ACTL8: variants seen among roughly 807,000 people sequenced by gnomAD.
ACTL8 encodes the protein actin like 8, also known as actin-like protein 8.
Under a neutral mutation model 9.3 loss-of-function variants are expected in ACTL8, and 3 were observed. The ratio of observed to expected loss-of-function variants is 0.32; its 90% CI spans 0.15 to 0.83. The LOEUF (loss-of-function observed/expected upper bound fraction) is 0.83, where lower values mean the gene tolerates loss of function less well. Ranked by LOEUF, ACTL8 falls within the 40% of genes least tolerant of loss-of-function variation. ACTL8 has a pLI of 0.57. For missense variants in ACTL8, 381 were observed against 492.2 expected (o/e 0.77, Z 2.14); for synonymous variants, 224 against 205.9 (o/e 1.09, Z -0.75).
intron 1 of ACTL8, among the ~76,000 whole-genome samples, chr1:17,798,267 C>T (rs1017861374): frequency 2.7e-5 from 4 of 148,550 alleles, no homozygotes; most frequent in African/African-American, 7.5e-5. Context: ...ATATCTACCC[C>T]AAGATATTCG....
intron 1 of ACTL8, among the ~76,000 whole-genome samples, chr1:17,757,228 G>A (rs1479914221): frequency 2.7e-5 from 4 of 150,084 alleles, no homozygotes; most frequent in African/African-American, 9.7e-5. Context: ...GCCACAGTCT[G>A]AGAATCAGAC....
intron 1 of ACTL8, among the ~76,000 whole-genome samples, chr1:17,763,632 C>T (rs772351596): frequency 1.3e-5 from 2 of 152,192 alleles, no homozygotes; most frequent in Non-Finnish European, 2.9e-5. Context: ...TACGTCTTCC[C>T]CATCCTATTC....
chr1:17,784,198 T>A (rs1456530925), intron 1 of ACTL8, among the ~76,000 whole-genome samples: 1 of 152,158 alleles, frequency 6.6e-6, no homozygotes, highest in Non-Finnish European at 1.5e-5. Flanking sequence ...AGCAAGCATC[T>A]TCTTAACATG....
At chr1:17,788,406 G>A (rs1224178199) in intron 1 of ACTL8, among the ~76,000 whole-genome samples, 1 of 152,244 alleles carries the variant, frequency 6.6e-6, no homozygotes, top group Non-Finnish European at 1.5e-5. Flanking sequence ...TCAGCTCAGA[G>A]CTTCCCAGCC....
At chr1:17,789,136 G>A (rs1333987068) in intron 1 of ACTL8, among the ~76,000 whole-genome samples, 1 of 152,182 alleles carries the variant, frequency 6.6e-6, no homozygotes, top group Non-Finnish European at 1.5e-5. Flanking sequence ...AAACAAATAT[G>A]TATCAGGACA....
intron 1 of ACTL8, among the ~76,000 whole-genome samples, chr1:17,800,753 C>G (rs1459816098): frequency 6.6e-6 from 1 of 151,792 alleles, no homozygotes; most frequent in Non-Finnish European, 1.5e-5. Flanking sequence ...TACCACCATG[C>G]CTGGCTAATT....
chr1:17,770,832 G>A (rs1364105896), intron 1 of ACTL8, among the ~76,000 whole-genome samples: 1 of 152,186 alleles, frequency 6.6e-6, no homozygotes, highest in African/African-American at 2.4e-5. Flanking sequence ...GGTGCTGATA[G>A]CAGTTGTCAG....
rs16830789 is a variant in ACTL8, at chr1:17,826,444, C to G, written c.1026C>G (p.Ser342=). The change falls in exon 3 of 3, where the codon TCC becomes TCG. Residue 342 remains serine, a synonymous_variant. Coordinates refer to ENST00000375406, the MANE Select transcript of ACTL8 (RefSeq NM_030812.3). This position sits in a 1 kb window ranked among gnomAD's most constrained non-coding sequence, Gnocchi z 4.5. ...ACTTTAGTGTCTGGCTAGGAGCGTCCGTGGTGGCTCACCTTTCTACCTACC... is the reference window on the plus strand; with the variant it reads ...ACTTTAGTGTCTGGCTAGGAGCGTCGGTGGTGGCTCACCTTTCTACCTACC... ...NRNFSVWLGA[S]VVAHLSTYQS... The G allele has an allele frequency of 6.2e-7, 1 of 1,613,148 alleles. No homozygotes were observed. The highest frequency in any genetic ancestry group is 8.5e-7 in the Non-Finnish European group (1 of 1,179,534).
chr1:17,813,562 A>C (rs2066407000), intron 1 of ACTL8, among the ~76,000 whole-genome samples: 1 of 152,190 alleles, frequency 6.6e-6, no homozygotes, highest in Admixed American at 6.5e-5. Context: ...TCTTCATGAA[A>C]GATTTTTGGT....
intron 1 of ACTL8, among the ~76,000 whole-genome samples, chr1:17,757,476 A>AC (rs1248121741): frequency 0.01 from 466 of 45,028 alleles, 3 homozygotes; most frequent in Middle Eastern, 0.024. Context: ...CTCTGAGCCC[A>AC]CCCCCCCCAC....
At chr1:17,816,050 C>G (rs971387847) in intron 1 of ACTL8, among the ~76,000 whole-genome samples, 1 of 152,134 alleles carries the variant, frequency 6.6e-6, no homozygotes, top group Non-Finnish European at 1.5e-5. Flanking sequence ...ATAAGTAAAT[C>G]AAGCTGGTTA....
At chr1:17,791,659 C>T (rs1377678663) in intron 1 of ACTL8, among the ~76,000 whole-genome samples, 6 of 152,196 alleles carry the variant, frequency 3.9e-5, no homozygotes, top group East Asian at 3.9e-4. Flanking sequence ...TAGATCAAGC[C>T]GCCCTGCGAG....
chr1:17,763,311 G>A (rs900989186), intron 1 of ACTL8, among the ~76,000 whole-genome samples: 9 of 152,112 alleles, frequency 5.9e-5, no homozygotes, highest in African/African-American at 1.9e-4. Flanking sequence ...CTGGCCCAAC[G>A]CTCCTCTGAC....
chr1:17,823,385 C>A lies in ACTL8; in HGVS notation c.348+29C>A. 6.3e-7 allele frequency: 1 copy of A among 1,575,262 alleles called. No individual in the cohort carries two copies. Among genetic ancestry groups the A allele is most frequent in the Non-Finnish European group, 8.6e-7 (1 of 1,156,326 alleles). On this transcript the variant is annotated intron_variant, in intron 2 of 2. Coordinates refer to ENST00000375406, the MANE Select transcript of ACTL8 (RefSeq NM_030812.3). This position sits in a 1 kb window ranked among gnomAD's most constrained non-coding sequence, Gnocchi z 5.3. ...AGGCCTGCCGGGGCCTGCTCCCACT[C>A]GGGAGCGGGAAACAGACTGACACTA...
chr1:17,816,309 T>G (rs2066425890), intron 1 of ACTL8, among the ~76,000 whole-genome samples: 1 of 151,684 alleles, frequency 6.6e-6, no homozygotes. Flanking sequence ...TCAAGCAATC[T>G]TCCCACCTCA....
intron 1 of ACTL8, among the ~76,000 whole-genome samples, chr1:17,787,765 C>A (rs189086515): frequency 6.6e-6 from 1 of 152,086 alleles, no homozygotes; most frequent in East Asian, 1.9e-4. Context: ...GGGGTATAAT[C>A]CCAGGCATTG....
At chr1:17,779,566 A>G (rs1044730946) in intron 1 of ACTL8, among the ~76,000 whole-genome samples, 4 of 152,154 alleles carry the variant, frequency 2.6e-5, no homozygotes, top group African/African-American at 9.7e-5. Flanking sequence ...TAAAATACCC[A>G]AGTCTGGTTC....
At chr1:17,803,135 C>G (rs1025141296) in intron 1 of ACTL8, among the ~76,000 whole-genome samples, 1 of 152,016 alleles carries the variant, frequency 6.6e-6, no homozygotes, top group Non-Finnish European at 1.5e-5. Flanking sequence ...GGCGGTTACC[C>G]CCATGCTATT....
At chr1:17,812,073 G>A (rs1373684954) in intron 1 of ACTL8, among the ~76,000 whole-genome samples, 4 of 151,920 alleles carry the variant, frequency 2.6e-5, no homozygotes, top group African/African-American at 9.7e-5. Flanking sequence ...GCCCAGGCTT[G>A]TCTCGAACTC....
Sources: gnomAD v4.1 joint callset for allele counts (sites outside exome capture counted in the v4.1 genomes callset) on GRCh38, gnomAD v4.1.1 for gene constraint, Gnocchi (gnomAD v3.1) non-coding constraint, MANE v1.5 for transcripts, NCBI Gene and HGNC (gene_info 2026-07-23, HGNC 2026-07-21) for gene names.